Variants in AKR1E2 observed in about 807,000 individuals in gnomAD.
AKR1E2 encodes the protein aldo-keto reductase family 1 member E2, also known as 1,5-anhydro-D-fructose reductase.
Under a neutral mutation model 41.9 loss-of-function variants are expected in AKR1E2, and 43 were observed. The ratio of observed to expected loss-of-function variants is 1.03; its 90% CI spans 0.80 to 1.32. AKR1E2 has a LOEUF of 1.32. Ranked by LOEUF, AKR1E2 falls within the 40% of genes most tolerant of loss-of-function variation. The pLI is 0.00. For missense variants in AKR1E2, 423 were observed against 396.5 expected, an observed-to-expected ratio of 1.07 and a Z score of -0.57; for synonymous variants, 121 against 138.9, an observed-to-expected ratio of 0.87 and a Z score of 0.91.
At chr10:4,856,280 C>A in the AKR1E2 span, among the ~76,000 whole-genome samples, 2 of 152,128 alleles carry the variant, frequency 1.3e-5, no homozygotes, top group Non-Finnish European at 2.9e-5. Context: ...AAAAATTAAT[C>A]CTGTAAAAGA....
At position 4,833,332 on chromosome 10, in the gene AKR1E2, G is replaced by A; in HGVS notation, c.208-18G>A. 6.2e-7 allele frequency: 1 copy of A among 1,603,874 alleles called. No individual in the cohort carries two copies. The highest frequency in any genetic ancestry group is 1.1e-5 in the South Asian group (1 of 90,858). ...CTCTGGGTGGGCACGTGTGACGCTG[G>A]TCCCCTCTCCTTTGTAGCTGTGGTG... is the stretch of plus-strand genomic sequence containing the variant. On this transcript the variant is annotated intron_variant, in intron 2 of 9. Transcript: ENST00000298375.
At chr10:4,844,208 G>T (rs1269952771) in intron 8 of AKR1E2, among the ~76,000 whole-genome samples, 1 of 152,094 alleles carries the variant, frequency 6.6e-6, no homozygotes, top group Non-Finnish European at 1.5e-5. Context: ...GGTCTCACTG[G>T]CTTAGGAGTG....
At chr10:4,856,327 G>A in the AKR1E2 span, among the ~76,000 whole-genome samples, 5 of 152,054 alleles carry the variant, frequency 3.3e-5, no homozygotes, top group African/African-American at 1.2e-4. Flanking sequence ...AAGTTAAAGG[G>A]GTATTATCTA....
downstream of AKR1E2, among the ~76,000 whole-genome samples, chr10:4,852,167 T>C (rs981441774): frequency 6.6e-6 from 1 of 152,204 alleles, no homozygotes; most frequent in Non-Finnish European, 1.5e-5. Context: ...TGAGACTGGA[T>C]TGGTGAGTCA....
intron 1 of AKR1E2, 102 bp from the exon 2 acceptor site, chr10:4,830,573 A>T: frequency 7.3e-7 from 1 of 1,369,412 alleles, no homozygotes; most frequent in Non-Finnish European, 1.0e-6. Context: ...TTAGTGACTT[A>T]ATTTTTTATG....
the AKR1E2 span, among the ~76,000 whole-genome samples, chr10:4,865,997 A>AACTT: frequency 6.6e-6 from 1 of 152,158 alleles, no homozygotes; most frequent in Non-Finnish European, 1.5e-5. Context: ...TTCTCTCTCA[A>AACTT]ACTTACTGAA....
In AKR1E2 at chr10:4,832,587, A is replaced by T. The variant is rs1392124313; in HGVS notation, c.208-763A>T. Among the ~76,000 whole-genome samples the T allele has an allele frequency of 2.0e-5, 3 of 152,360 alleles. No homozygotes were observed. The East Asian group carries it at 5.8e-4, about 29-fold the overall frequency. On this transcript the variant is annotated intron_variant, in intron 2 of 9. Transcript: ENST00000298375. ...AAAAGTCATAGAAATGTAATTAGAA[A>T]TAAATAAATCACACATATAAGCACC...
At chr10:4,851,605 C>T (rs575268998), downstream of AKR1E2, among the ~76,000 whole-genome samples, 11 of 152,308 alleles carry the variant, frequency 7.2e-5, no homozygotes, top group African/African-American at 2.6e-4. Context: ...AGTACTAACT[C>T]GATGCTTTCT....
the AKR1E2 span, among the ~76,000 whole-genome samples, chr10:4,854,381 C>T: frequency 1.4e-4 from 21 of 152,232 alleles, no homozygotes; most frequent in Non-Finnish European, 2.4e-4. Context: ...CATGAGCCAC[C>T]GCACCTGGCC....
chr10:4,865,809 A>AGGGGATGCTAATCCTCC, the AKR1E2 span, among the ~76,000 whole-genome samples: 1 of 152,184 alleles, frequency 6.6e-6, no homozygotes, highest in Non-Finnish European at 1.5e-5. Flanking sequence ...GCTTAACAAA[A>AGGGGATGCTAATCCTCC]AGAGTCCACC....
chr10:4,831,038 T>A (rs1330253643), intron 2 of AKR1E2, among the ~76,000 whole-genome samples, 196 bp downstream of exon 2: 2 of 152,226 alleles, frequency 1.3e-5, no homozygotes, highest in Non-Finnish European at 2.9e-5. Flanking sequence ...GTCATTCAGG[T>A]AGGAGTACAC....
the AKR1E2 span, among the ~76,000 whole-genome samples, chr10:4,858,629 G>A: frequency 6.6e-6 from 1 of 152,116 alleles, no homozygotes. Context: ...GACTGCCCAA[G>A]ACGAGAGGAA....
At chr10:4,863,177 G>A in the AKR1E2 span, among the ~76,000 whole-genome samples, 76 of 152,120 alleles carry the variant, frequency 5.0e-4, no homozygotes, top group African/African-American at 1.6e-3. Context: ...GCACCACACC[G>A]CACTTATTCC....
At chr10:4,871,901 A>G in the AKR1E2 span, 1 of 152,202 alleles carries the variant, frequency 6.6e-6, no homozygotes, top group Non-Finnish European at 1.5e-5. Flanking sequence ...TTTTCTTTAT[A>G]TTCATCAAGA....
chr10:4,846,542 T>A (rs896915043), intron 8 of AKR1E2, among the ~76,000 whole-genome samples: 1 of 150,816 alleles, frequency 6.6e-6, no homozygotes, highest in Non-Finnish European at 1.5e-5. Context: ...AAAAATTCTG[T>A]GCCATCCTTT....
chr10:4,866,838 G>A, the AKR1E2 span, among the ~76,000 whole-genome samples: 34,114 of 151,560 alleles, frequency 0.23, 4,057 homozygotes, highest in Middle Eastern at 0.35. Flanking sequence ...TCTTGTGCTC[G>A]GTCATTTCCT....
chr10:4,842,795 C>T (rs1833993623), intron 8 of AKR1E2, among the ~76,000 whole-genome samples: 1 of 152,150 alleles, frequency 6.6e-6, no homozygotes, highest in South Asian at 2.1e-4. Flanking sequence ...CAGGCTGGAG[C>T]ATGTGCACCA....
intron 8 of AKR1E2, chr10:4,846,157 G>T (rs118012511): frequency 0.012 from 3,239 of 264,980 alleles, 37 homozygotes; most frequent in Middle Eastern, 0.046. Flanking sequence ...CAGATGACAC[G>T]CTGAGGCTAC....
At chr10:4,853,288 T>G in the AKR1E2 span, among the ~76,000 whole-genome samples, 29 of 152,300 alleles carry the variant, frequency 1.9e-4, no homozygotes, top group African/African-American at 6.5e-4. Flanking sequence ...TTGGCTAAAC[T>G]TCATGAAAAA....
Sources: gnomAD v4.1 joint callset for allele counts (sites outside exome capture counted in the v4.1 genomes callset) on GRCh38, gnomAD v4.1.1 for gene constraint, MANE v1.5 for transcripts, NCBI Gene and HGNC (gene_info 2026-07-23, HGNC 2026-07-21) for gene names.